CTH: variants seen among roughly 807,000 people sequenced by gnomAD.
CTH encodes cystathionine gamma-lyase.
In CTH, 41 loss-of-function variants were observed where a neutral mutation model predicts 50.6. The observed-to-expected ratio is 0.81, with a 90% CI of 0.63 to 1.05. CTH has a LOEUF of 1.05. CTH is among the 50% of genes least tolerant of loss of function. The pLI is 0.00. For synonymous variants in CTH, 156 were observed against 168.9 expected (o/e 0.92, Z 0.59); for missense variants, 470 against 492.6 (o/e 0.95, Z 0.43).
In CTH at chr1:70,417,997, G is replaced by A; in HGVS notation, c.311G>A (p.Gly104Glu). ...ACTATTACCCATCTTTTAAAAGCAG[G>A]AGACCAAATTATTTGTATGGATGAT... ...TVTITHLLKA[G>E]DQIICMDDVY... The change falls in exon 3 of 12, where the codon GGA becomes GAA. Residue 104 changes from glycine (G) to glutamate (E), a missense_variant. Physicochemically the swap from Gly to Glu is moderately conservative, Grantham distance 98 (BLOSUM62 -2). Coordinates refer to ENST00000370938, the MANE Select transcript of CTH (RefSeq NM_001902.6). 1 of 1,614,094 alleles carries A rather than the reference G, an allele frequency of 6.2e-7. No homozygotes were observed. The highest frequency in any genetic ancestry group is 8.5e-7 in the Non-Finnish European group (1 of 1,179,994).
chr1:70,421,098 C>T (rs372081819), intron 3 of CTH, among the ~76,000 whole-genome samples: 27 of 152,108 alleles, frequency 1.8e-4, no homozygotes, highest in African/African-American at 5.8e-4. Context: ...CTCATTTTAT[C>T]GATTAAAACT....
chr1:70,433,842 C>T lies in CTH; in HGVS notation c.892C>T (p.Pro298Ser). 2 of 1,613,980 alleles carry T rather than the reference C, an allele frequency of 1.2e-6. No homozygotes were observed. Among genetic ancestry groups the T allele is most frequent in the Non-Finnish European group, 1.7e-6 (2 of 1,179,956 alleles). ...KVIYPGLPSHPQHELVKRQCT... is the reference protein window; with the variant it reads ...KVIYPGLPSHSQHELVKRQCT... ...TATGATTACAGGGCTGCCCTCTCAT[C>T]CACAGCATGAGTTGGTGAAGCGTCA... Residue 298 changes from proline to serine, a missense_variant, in exon 9 of 12, where the codon CCA becomes TCA. Physicochemically the swap from Pro to Ser is moderately conservative, Grantham distance 74 (BLOSUM62 -1). Coordinates refer to ENST00000370938, the MANE Select transcript of CTH (RefSeq NM_001902.6).
At chr1:70,425,964 G>C (rs897178182) in intron 5 of CTH, among the ~76,000 whole-genome samples, 2 of 151,910 alleles carry the variant, frequency 1.3e-5, no homozygotes, top group African/African-American at 4.8e-5. Flanking sequence ...CCTCCCAAAG[G>C]CCCACCTCCT....
intron 5 of CTH, among the ~76,000 whole-genome samples, chr1:70,429,171 C>A (rs1684411483): frequency 6.6e-6 from 1 of 152,048 alleles, no homozygotes; most frequent in Non-Finnish European, 1.5e-5. Context: ...GAACTAATGA[C>A]AAGAAAAAAG....
At chr1:70,432,283 A>T in intron 8 of CTH, 48 bp downstream of exon 8, 2 of 1,599,618 alleles carry the variant, frequency 1.3e-6, no homozygotes, top group Non-Finnish European at 1.7e-6. Flanking sequence ...TTCAGCAGTT[A>T]TCCTGAGCAT....
intron 5 of CTH, among the ~76,000 whole-genome samples, chr1:70,426,370 A>C (rs1039062785): frequency 7.9e-5 from 12 of 152,110 alleles, no homozygotes; most frequent in African/African-American, 2.9e-4. Context: ...TCTATTCTGC[A>C]GAGTTCCTGA....
intron 8 of CTH, among the ~76,000 whole-genome samples, chr1:70,433,567 G>A (rs1420954414): frequency 1.3e-5 from 2 of 152,164 alleles, no homozygotes; most frequent in Non-Finnish European, 2.9e-5. Flanking sequence ...AGTCCAGGTT[G>A]AAGGGACAGC....
intron 2 of CTH, 114 bp from the exon 3 acceptor site, chr1:70,417,823 C>T: frequency 9.2e-7 from 1 of 1,090,902 alleles, no homozygotes; most frequent in Non-Finnish European, 1.4e-6. Context: ...CCTCTAGCAA[C>T]TCAGCAGTGA....
chr1:70,418,094 C>T lies in CTH; in HGVS notation c.346+62C>T, dbSNP rs1235280744. On this transcript the variant is annotated intron_variant, in intron 3 of 11. Transcript: ENST00000370938. ...TATTTTACAGATAATAAAGTGAGCC[C>T]TGAATTAATATTAACAATGTTGCCA... is the stretch of plus-strand genomic sequence containing the variant. 5.1e-6 allele frequency: 8 copies of T among 1,564,116 alleles called. No homozygotes were observed. In the East Asian group the frequency reaches 1.6e-4, roughly 31 times the overall value.
chr1:70,420,698 G>A (rs1684200194), intron 3 of CTH, among the ~76,000 whole-genome samples: 1 of 152,118 alleles, frequency 6.6e-6, no homozygotes, highest in South Asian at 2.1e-4. Context: ...TTTGCACAAT[G>A]TTTCGTATTT....
chr1:70,438,728 G>C lies in CTH; in HGVS notation c.1093G>C (p.Asp365His). 6.2e-7 allele frequency: 1 copy of C among 1,614,078 alleles called. No individual in the cohort carries two copies. Among genetic ancestry groups the C allele is most frequent in the Non-Finnish European group, 8.5e-7 (1 of 1,180,012 alleles). Residue 365 changes from aspartate to histidine, a missense_variant, in exon 11 of 12, where the codon GAT becomes CAT. Coordinates refer to ENST00000370938, the MANE Select transcript of CTH (RefSeq NM_001902.6). ...TGCATCAGTTCTTAAGAATGACAGA[G>C]ATGTCCTTGGAATTAGTGACACACT... ...THASVLKNDRDVLGISDTLIR... is the reference protein window; with the variant it reads ...THASVLKNDRHVLGISDTLIR...
chr1:70,417,305 T>TA (rs1192975244), intron 2 of CTH, among the ~76,000 whole-genome samples: 1 of 151,942 alleles, frequency 6.6e-6, no homozygotes, highest in Non-Finnish European at 1.5e-5. Context: ...TTTTTTTTGA[T>TA]ATGGAGTCTC....
chr1:70,413,241 G>A (rs1684009319), intron 1 of CTH, among the ~76,000 whole-genome samples: 1 of 151,356 alleles, frequency 6.6e-6, no homozygotes, highest in Non-Finnish European at 1.5e-5. Context: ...TATGTACACA[G>A]CCTCTCTTTC....
intron 5 of CTH, among the ~76,000 whole-genome samples, chr1:70,429,149 T>G (rs961587171): frequency 2.0e-5 from 3 of 152,216 alleles, no homozygotes. Context: ...GTTGTTACAC[T>G]ATATTGTTTA....
At chr1:70,419,995 T>C (rs1428594465) in intron 3 of CTH, among the ~76,000 whole-genome samples, 1 of 132,444 alleles carries the variant, frequency 7.6e-6, no homozygotes, top group African/African-American at 3.0e-5. Flanking sequence ...GACCGGCGTG[T>C]TTTTTTTTTT....
intron 10 of CTH, among the ~76,000 whole-genome samples, 195 bp downstream of exon 10, chr1:70,435,372 C>T (rs1026857242): frequency 2.0e-5 from 3 of 152,016 alleles, no homozygotes; most frequent in Admixed American, 2.0e-4. Flanking sequence ...TGTTAGTGAG[C>T]GGTGTCCTCC....
intron 5 of CTH, among the ~76,000 whole-genome samples, chr1:70,429,163 A>G (rs970198027): frequency 1.3e-5 from 2 of 152,246 alleles, no homozygotes; most frequent in Non-Finnish European, 2.9e-5. Context: ...TTGTTTAGGA[A>G]CTAATGACAA....
Position 70,432,325 on chromosome 1 carries a change from G to T in CTH, c.877+90G>T, listed in dbSNP as rs941423727. 1.0e-5 allele frequency: 15 copies of T among 1,453,860 alleles called. No homozygotes were observed. In the Middle Eastern group the frequency reaches 6.8e-4, roughly 66 times the overall value. 90.1% of individuals were successfully genotyped at this position (1,453,860 alleles called of 1,614,324 possible). A position where few individuals can be genotyped will look rare whatever the true frequency, so the allele number is the denominator to read the frequency against. On this transcript the variant is annotated intron_variant, in intron 8 of 11. Transcript: ENST00000370938. ...TATGTAACATTTATTTGTAAGTTAG[G>T]TGCTTTCACGTATTGTTTTTGTTCA...
intron 1 of CTH, among the ~76,000 whole-genome samples, chr1:70,413,242 C>G (rs1002925462): frequency 2.0e-5 from 3 of 151,502 alleles, no homozygotes; most frequent in Non-Finnish European, 4.4e-5. Flanking sequence ...ATGTACACAG[C>G]CTCTCTTTCT....
Sources: gnomAD v4.1 joint callset for allele counts (sites outside exome capture counted in the v4.1 genomes callset) on GRCh38, gnomAD v4.1.1 for gene constraint, MANE v1.5 for transcripts, NCBI Gene and HGNC (gene_info 2026-07-23, HGNC 2026-07-21) for gene names.